The following PRKG1 variants were observed in gnomAD, a reference collection of about 807,000 sequenced individuals.
PRKG1 encodes protein kinase cGMP-dependent 1, also known as cGMP-dependent protein kinase 1.
Under a neutral mutation model 88.1 loss-of-function variants are expected in PRKG1, and 35 were observed. That is an observed-to-expected ratio of 0.40 (90% CI 0.30 to 0.53). The LOEUF (loss-of-function observed/expected upper bound fraction) is 0.53. Ranked by LOEUF, PRKG1 falls within the 20% of genes least tolerant of loss-of-function variation. The probability of loss-of-function intolerance (pLI) is 0.59; values close to 1 mark genes in which losing one functional copy is unlikely to be tolerated. For synonymous variants in PRKG1, 303 were observed against 292.5 expected (o/e 1.04, Z -0.37); for missense variants, 540 against 839.8 (o/e 0.64, Z 4.41).
At chr10:51,917,822 G>A (rs1462467126) in intron 5 of PRKG1, among the ~76,000 whole-genome samples, 2 of 152,030 alleles carry the variant, frequency 1.3e-5, no homozygotes, top group African/African-American at 2.4e-5. Flanking sequence ...TCTCCCTATA[G>A]AGAGGTCCCT....
intron 9 of PRKG1, among the ~76,000 whole-genome samples, chr10:52,212,699 T>C (rs1840011030): frequency 2.0e-5 from 3 of 152,030 alleles, no homozygotes; most frequent in African/African-American, 7.2e-5. Context: ...ATGAAACCCA[T>C]AGATCATTTT....
At chr10:51,462,094 A>G (rs1033604569) in intron 2 of PRKG1, among the ~76,000 whole-genome samples, 1 of 152,332 alleles carries the variant, frequency 6.6e-6, no homozygotes, top group Admixed American at 6.5e-5. Flanking sequence ...ATGAAAGAAT[A>G]TGTAATGTAA....
intron 2 of PRKG1, among the ~76,000 whole-genome samples, chr10:51,193,878 G>C (rs931937271): frequency 1.3e-5 from 2 of 152,148 alleles, no homozygotes; most frequent in African/African-American, 4.8e-5. Context: ...AGACAGACCA[G>C]ATGCGAAGGA....
chr10:51,114,568 C>G (rs1845062550), intron 1 of PRKG1, among the ~76,000 whole-genome samples: 1 of 151,890 alleles, frequency 6.6e-6, no homozygotes. Context: ...TCAATTATTC[C>G]TTTTTTCAAA....
At chr10:51,516,031 G>A (rs1241818630) in intron 3 of PRKG1, among the ~76,000 whole-genome samples, 2 of 152,180 alleles carry the variant, frequency 1.3e-5, no homozygotes, top group Non-Finnish European at 1.5e-5. Context: ...AGGTCAAAGG[G>A]CCAGTGTGAC....
chr10:51,629,646 A>G (rs1165591375), intron 3 of PRKG1, among the ~76,000 whole-genome samples: 1 of 152,164 alleles, frequency 6.6e-6, no homozygotes, highest in Non-Finnish European at 1.5e-5. Flanking sequence ...TTCAGAACAT[A>G]CGGAGGTTTG....
intron 7 of PRKG1, among the ~76,000 whole-genome samples, chr10:52,101,031 A>G (rs1847281638): frequency 6.6e-6 from 1 of 152,206 alleles, no homozygotes. Flanking sequence ...TATGCAAACA[A>G]TCTTACAGGA....
At chr10:51,883,342 C>T (rs188340245) in intron 4 of PRKG1, among the ~76,000 whole-genome samples, 49 of 152,334 alleles carry the variant, frequency 3.2e-4, no homozygotes, top group African/African-American at 1.1e-3. Flanking sequence ...TAATAAATCT[C>T]TCTCTCTGTC....
At chr10:51,403,738 C>T (rs890201589) in intron 2 of PRKG1, among the ~76,000 whole-genome samples, 1 of 152,134 alleles carries the variant, frequency 6.6e-6, no homozygotes, top group Non-Finnish European at 1.5e-5. Context: ...GGCAAAGATA[C>T]AGGAAAGGAG....
At chr10:51,071,355 G>T (rs1003096180), upstream of PRKG1, among the ~76,000 whole-genome samples, 2 of 152,086 alleles carry the variant, frequency 1.3e-5, no homozygotes. Context: ...GAAAAGGCTA[G>T]AATCCTGGAT....
At chr10:51,858,267 A>AT (rs1840748481) in intron 4 of PRKG1, among the ~76,000 whole-genome samples, 2 of 17,552 alleles carry the variant, frequency 1.1e-4, no homozygotes, top group South Asian at 2.1e-3. Flanking sequence ...ACATATATAT[A>AT]ATATTATACA....
At chr10:51,117,613 C>CCA (rs1364329530) in intron 1 of PRKG1, among the ~76,000 whole-genome samples, 3 of 152,146 alleles carry the variant, frequency 2.0e-5, no homozygotes, top group African/African-American at 7.2e-5. Context: ...TATGTAATTT[C>CCA]CACAACAATT....
At chr10:51,007,279 G>C (rs1842951296) in intron 1 of PRKG1, among the ~76,000 whole-genome samples, 1 of 152,090 alleles carries the variant, frequency 6.6e-6, no homozygotes. Flanking sequence ...TTATCTCTCA[G>C]GTGTTCCTGA....
chr10:51,995,620 A>G (rs2133136696), intron 5 of PRKG1, among the ~76,000 whole-genome samples: 1 of 152,166 alleles, frequency 6.6e-6, no homozygotes, highest in Middle Eastern at 3.4e-3. Context: ...TGAACACATT[A>G]CCTACATAAA....
intron 5 of PRKG1, among the ~76,000 whole-genome samples, chr10:51,942,599 G>A (rs905532796): frequency 1.4e-5 from 2 of 147,558 alleles, no homozygotes; most frequent in African/African-American, 2.6e-5. Flanking sequence ...TAACGTTTAA[G>A]TCTTTAATCC....
At chr10:51,812,344 C>T (rs1026107271) in intron 4 of PRKG1, among the ~76,000 whole-genome samples, 1 of 152,150 alleles carries the variant, frequency 6.6e-6, no homozygotes, top group Admixed American at 6.5e-5. Flanking sequence ...ATACGACAAA[C>T]GTGGCAAAAC....
intron 1 of PRKG1, among the ~76,000 whole-genome samples, chr10:51,114,525 G>T (rs918720909): frequency 1.6e-4 from 25 of 152,070 alleles, no homozygotes; most frequent in African/African-American, 4.8e-4. Context: ...GGGAACAAGA[G>T]AAATATAAAG....
chr10:51,244,772 T>C (rs1276597418), intron 2 of PRKG1: 1 of 152,138 alleles, frequency 6.6e-6, no homozygotes, highest in Admixed American at 6.6e-5. Context: ...TTTTCCGTTT[T>C]ATAGCTGTTT....
At chr10:51,276,413 C>T (rs10996523) in intron 2 of PRKG1, among the ~76,000 whole-genome samples, 2,610 of 152,196 alleles carry the variant, frequency 0.017, 77 homozygotes, top group African/African-American at 0.059. Flanking sequence ...TGAATAGTGC[C>T]GCAATAAACA....
Sources: gnomAD v4.1 joint callset for allele counts (sites outside exome capture counted in the v4.1 genomes callset) on GRCh38, gnomAD v4.1.1 for gene constraint, MANE v1.5 for transcripts, NCBI Gene and HGNC (gene_info 2026-07-23, HGNC 2026-07-21) for gene names.